Variants in WT1 observed in about 807,000 individuals in gnomAD.
WT1 encodes the protein WT1 transcription factor.
Under a neutral mutation model 60.8 loss-of-function variants are expected in WT1, and 8 were observed. The observed-to-expected ratio is 0.13, with a 90% confidence interval of 0.08 to 0.24. The LOEUF (loss-of-function observed/expected upper bound fraction) is 0.24, where lower values mean the gene tolerates loss of function less well. Ranked by LOEUF, WT1 falls within the 10% of genes least tolerant of loss-of-function variation. The probability of loss-of-function intolerance (pLI) is 1.00; values close to 1 mark genes in which losing one functional copy is unlikely to be tolerated. For synonymous variants in WT1, 312 were observed against 297.1 expected, an observed-to-expected ratio of 1.05 and a Z score of -0.52; for missense variants, 568 against 711.8, an observed-to-expected ratio of 0.80 and a Z score of 2.30.
intron 5 of WT1, among the ~76,000 whole-genome samples, chr11:32,405,349 T>A (rs2132982572): frequency 6.6e-6 from 1 of 152,118 alleles, no homozygotes; most frequent in East Asian, 1.9e-4. Flanking sequence ...TTCTTGCGAA[T>A]AATTGAAATT....
At chr11:32,401,169 C>G (rs1852141574) in intron 5 of WT1, among the ~76,000 whole-genome samples, 2 of 152,132 alleles carry the variant, frequency 1.3e-5, no homozygotes, top group Non-Finnish European at 2.9e-5. Flanking sequence ...TATTATTCAG[C>G]AATGAAAAGG....
intron 2 of WT1, 52 bp downstream of exon 2, chr11:32,428,445 A>C: frequency 6.2e-7 from 1 of 1,612,380 alleles, no homozygotes; most frequent in South Asian, 1.1e-5. Flanking sequence ...GGGGGAGAGG[A>C]GGATAGCACG....
At chr11:32,434,552 C>T in intron 1 of WT1, 148 bp downstream of exon 1, 4 of 1,477,236 alleles carry the variant, frequency 2.7e-6, no homozygotes, top group Non-Finnish European at 3.6e-6. Flanking sequence ...GCCTCCTCCC[C>T]AGCCGCCGCT....
At chr11:32,396,166 T>A in intron 7 of WT1, 91 bp downstream of exon 7, 1 of 1,583,350 alleles carries the variant, frequency 6.3e-7, no homozygotes, top group Non-Finnish European at 8.7e-7. Flanking sequence ...CTTTCCATCC[T>A]GGAAATAACC....
Position 32,434,794 on chromosome 11 carries a change from C to A in WT1, c.567G>T (p.Pro189=), listed in dbSNP as rs141135091. 3.0e-5 allele frequency: 48 copies of A among 1,612,442 alleles called. No individual in the cohort carries two copies. In the African/African-American group the frequency reaches 5.2e-4, roughly 17 times the overall value. The change falls in exon 1 of 10, where the codon CCG becomes CCT. Residue 189 remains proline, a synonymous_variant. Coordinates refer to ENST00000452863, the MANE Select transcript of WT1 (RefSeq NM_024426.6). ...CCTGGCCGGATGACGCCTGGCTGGG[C>A]GGAGGAGGACCGAAGGGCCCGTAGC...
intron 5 of WT1, among the ~76,000 whole-genome samples, chr11:32,414,997 A>G (rs1423259128): frequency 6.6e-6 from 1 of 152,172 alleles, no homozygotes. Context: ...AATTGTTCAC[A>G]CTTTGTGCTT....
intron 9 of WT1, 58 bp downstream of exon 9, chr11:32,391,914 C>A (rs1851827658): frequency 1.3e-6 from 2 of 1,552,738 alleles, no homozygotes; most frequent in African/African-American, 2.7e-5. Flanking sequence ...ATCACAATTT[C>A]ATTCCACAAT....
intron 1 of WT1, among the ~76,000 whole-genome samples, chr11:32,430,369 C>G (rs895522890): frequency 2.0e-5 from 3 of 149,896 alleles, no homozygotes; most frequent in Admixed American, 1.3e-4. Context: ...CACTATTGCC[C>G]GGAGTGAAGG....
At chr11:32,430,217 G>A (rs908341956) in intron 1 of WT1, among the ~76,000 whole-genome samples, 6 of 152,038 alleles carry the variant, frequency 3.9e-5, no homozygotes, top group Non-Finnish European at 8.8e-5. Context: ...TGCTAAGTGG[G>A]CAAAGATAAC....
intron 3 of WT1, among the ~76,000 whole-genome samples, chr11:32,423,185 C>T (rs1240975344): frequency 6.6e-6 from 1 of 152,222 alleles, no homozygotes; most frequent in African/African-American, 2.4e-5. Flanking sequence ...GAACTTTTCC[C>T]TGGTACCTTC....
At chr11:32,419,995 A>G (rs1018008239) in intron 3 of WT1, among the ~76,000 whole-genome samples, 1 of 152,150 alleles carries the variant, frequency 6.6e-6, no homozygotes, top group African/African-American at 2.4e-5. Flanking sequence ...TGCCTGGCCA[A>G]TATTTTTAAT....
Position 32,434,723 on chromosome 11 carries a change from CT to C in WT1, c.637del (p.Ser213AlafsTer78), listed in dbSNP as rs1853433016. 6.2e-7 allele frequency: 1 copy of C among 1,613,020 alleles called. No individual in the cohort carries two copies. The highest frequency in any genetic ancestry group is 2.2e-5 in the East Asian group (1 of 44,880). On this transcript the variant is annotated frameshift_variant, in exon 1 of 10. Transcript: ENST00000452863. LOFTEE classifies it high-confidence loss of function. ...ACCCTGATTGCGAATAGCGGGCTGG[CT>C]CTCGAGGCAGCTGGGCAGGTAGGGC... is the stretch of plus-strand genomic sequence containing the variant.
At chr11:32,409,392 T>C (rs1467370168) in intron 5 of WT1, among the ~76,000 whole-genome samples, 1 of 152,114 alleles carries the variant, frequency 6.6e-6, no homozygotes, top group Admixed American at 6.6e-5. Flanking sequence ...AGAATTAAAA[T>C]ACAAACCAGA....
At chr11:32,422,424 C>T (rs774190860) in intron 3 of WT1, among the ~76,000 whole-genome samples, 4 of 152,226 alleles carry the variant, frequency 2.6e-5, no homozygotes, top group Non-Finnish European at 5.9e-5. Context: ...AGACCTTCCA[C>T]CTTCTGCCTA....
Position 32,399,721 on chromosome 11 carries a change from T to C in WT1, c.1113+227A>G, listed in dbSNP as rs191253567. Among the ~76,000 whole-genome samples the C allele has an allele frequency of 2.0e-4, 31 of 152,344 alleles. No individual in the cohort carries two copies. The East Asian group carries it at 5.8e-3, about 28-fold the overall frequency. ...TAAAGGCAGAAAGGAGAGGATTCTGTTAGGACGCATCTTGCGCAGCGTCAG... is the reference window on the plus strand; with the variant it reads ...TAAAGGCAGAAAGGAGAGGATTCTGCTAGGACGCATCTTGCGCAGCGTCAG... On this transcript the variant is annotated intron_variant, in intron 6 of 9. Coordinates refer to ENST00000452863, the MANE Select transcript of WT1 (RefSeq NM_024426.6).
rs918343735 is a variant in WT1 at position 32,392,759 on chromosome 11, G to A, written c.1265-4C>T. 3 of 1,613,332 alleles carry A rather than the reference G, an allele frequency of 1.9e-6. No individual in the cohort carries two copies. Among genetic ancestry groups the A allele is most frequent in the Non-Finnish European group, 2.5e-6 (3 of 1,179,534 alleles). On this transcript the variant is annotated splice_region_variant and splice_polypyrimidine_tract_variant and intron_variant, in intron 7 of 9. Coordinates refer to ENST00000452863, the MANE Select transcript of WT1 (RefSeq NM_024426.6). ...TCACACTGGTATGGTTTCTCACCTT[G>A]GGGAAGACACATATTCTATTTGAAA...
intron 3 of WT1, among the ~76,000 whole-genome samples, chr11:32,418,244 TAA>T (rs35515910): frequency 1.6e-4 from 21 of 129,616 alleles, no homozygotes; most frequent in African/African-American, 3.9e-4. Context: ...CAAGTCAAAT[TAA>T]AAAAAAAAAA....
intron 7 of WT1, among the ~76,000 whole-genome samples, 167 bp downstream of exon 7, chr11:32,396,090 C>A (rs1851960653): frequency 6.6e-6 from 1 of 152,176 alleles, no homozygotes; most frequent in South Asian, 2.1e-4. Context: ...GATAGATAAT[C>A]AGAATGCAAA....
chr11:32,432,290 T>C (rs1476697028), intron 1 of WT1, among the ~76,000 whole-genome samples: 1 of 152,154 alleles, frequency 6.6e-6, no homozygotes, highest in Non-Finnish European at 1.5e-5. Context: ...CTGATGGCCA[T>C]TTCCACATTT....
Sources: allele counts gnomAD v4.1 joint callset (sites outside exome capture counted in the v4.1 genomes callset), GRCh38; gene constraint gnomAD v4.1.1; transcripts MANE v1.5; gene names NCBI Gene and HGNC (gene_info 2026-07-23, HGNC 2026-07-21).